Variants in PPP1R14C observed in about 807,000 individuals in gnomAD.
PPP1R14C encodes the protein protein phosphatase 1 regulatory inhibitor subunit 14C.
In PPP1R14C, 16 loss-of-function variants were observed where a neutral mutation model predicts 20.4. The observed-to-expected ratio is 0.78, with a 90% CI of 0.53 to 1.19. The LOEUF (loss-of-function observed/expected upper bound fraction) is 1.19. PPP1R14C is among the 50% of genes most tolerant of loss of function. The probability of loss-of-function intolerance (pLI) is 0.00; values close to 1 mark genes in which losing one functional copy is unlikely to be tolerated. For synonymous variants in PPP1R14C, 91 were observed against 91.0 expected (o/e 1.00, Z 0.00); for missense variants, 211 against 220.1 (o/e 0.96, Z 0.26).
chr6:150,177,070 C>G (rs1777570747), intron 1 of PPP1R14C, among the ~76,000 whole-genome samples: 1 of 152,136 alleles, frequency 6.6e-6, no homozygotes, highest in Admixed American at 6.5e-5. Flanking sequence ...TCAGCCTGGC[C>G]CTGGTTCCTG....
intron 3 of PPP1R14C, among the ~76,000 whole-genome samples, chr6:150,230,153 C>G (rs1025926991): frequency 6.6e-6 from 1 of 152,156 alleles, no homozygotes; most frequent in Non-Finnish European, 1.5e-5. Flanking sequence ...TTATCCTCAC[C>G]TTTTCCAAGA....
intron 1 of PPP1R14C, among the ~76,000 whole-genome samples, chr6:150,206,852 T>G (rs924883188): frequency 2.0e-5 from 3 of 150,478 alleles, no homozygotes; most frequent in South Asian, 2.1e-4. Flanking sequence ...TGATGTTTTT[T>G]TTTGTTTGTT....
intron 1 of PPP1R14C, among the ~76,000 whole-genome samples, chr6:150,203,632 T>C (rs1562268533): frequency 6.6e-6 from 1 of 152,202 alleles, no homozygotes; most frequent in African/African-American, 2.4e-5. Context: ...AATCTAACAC[T>C]GCAGCAACCC....
chr6:150,202,118 C>T (rs1777885196), intron 1 of PPP1R14C, among the ~76,000 whole-genome samples: 1 of 152,138 alleles, frequency 6.6e-6, no homozygotes. Flanking sequence ...TTGCATCAAG[C>T]GTGAGCTCCT....
chr6:150,220,920 T>C (rs746011033), intron 3 of PPP1R14C, among the ~76,000 whole-genome samples: 2 of 152,190 alleles, frequency 1.3e-5, no homozygotes, highest in Non-Finnish European at 2.9e-5. Flanking sequence ...GATGAAAGAA[T>C]GTATTATTTG....
intron 3 of PPP1R14C, among the ~76,000 whole-genome samples, chr6:150,218,872 G>C (rs1407410532): frequency 6.6e-6 from 1 of 152,088 alleles, no homozygotes; most frequent in African/African-American, 2.4e-5. Flanking sequence ...GACTTGTCTT[G>C]AACTCCTGGC....
rs573327107 is a variant in PPP1R14C at position 150,214,738 on chromosome 6, C to T, written c.307-6C>T. ...AATGCCTTCATATCCTCCCACTGCC[C>T]CCCAGGAAGAAGAAATGCCAGAGGT... On this transcript the variant is annotated splice_region_variant and splice_polypyrimidine_tract_variant and intron_variant, in intron 1 of 3. Coordinates refer to ENST00000361131, the MANE Select transcript of PPP1R14C (RefSeq NM_030949.3). 6.2e-6 allele frequency: 10 copies of T among 1,611,498 alleles called. No homozygotes were observed. The Admixed American group carries it at 1.3e-4, about 22-fold the overall frequency.
At chr6:150,152,663 T>C (rs1013997371) in intron 1 of PPP1R14C, among the ~76,000 whole-genome samples, 3 of 152,052 alleles carry the variant, frequency 2.0e-5, no homozygotes, top group African/African-American at 7.2e-5. Flanking sequence ...TCCCAGGAGC[T>C]TCTCTGATCC....
intron 3 of PPP1R14C, among the ~76,000 whole-genome samples, chr6:150,237,688 T>A (rs764650979): frequency 1.1e-4 from 17 of 152,162 alleles, no homozygotes; most frequent in Non-Finnish European, 1.9e-4. Context: ...ATCCTTGAGG[T>A]GAGGTCTTAT....
chr6:150,148,590 A>G (rs1777204712), intron 1 of PPP1R14C, among the ~76,000 whole-genome samples: 1 of 152,192 alleles, frequency 6.6e-6, no homozygotes. Context: ...ACAGTATCAC[A>G]TCAGCCGGCT....
chr6:150,248,391 C>G (rs1475792422), intron 3 of PPP1R14C, among the ~76,000 whole-genome samples: 2 of 152,168 alleles, frequency 1.3e-5, no homozygotes, highest in Non-Finnish European at 2.9e-5. Flanking sequence ...AGACCCCAAC[C>G]TGGACAGGCT....
intron 1 of PPP1R14C, among the ~76,000 whole-genome samples, chr6:150,157,995 C>T (rs978678338): frequency 6.6e-6 from 1 of 152,206 alleles, no homozygotes; most frequent in Non-Finnish European, 1.5e-5. Context: ...TCCCACCTTC[C>T]TGGGCTGGGG....
chr6:150,178,620 C>T (rs1469834834), intron 1 of PPP1R14C, among the ~76,000 whole-genome samples: 1 of 152,142 alleles, frequency 6.6e-6, no homozygotes, highest in African/African-American at 2.4e-5. Flanking sequence ...TTTATTTCTC[C>T]TTTTGTTTTT....
intron 1 of PPP1R14C, among the ~76,000 whole-genome samples, chr6:150,206,440 C>G (rs1777951684): frequency 6.6e-6 from 1 of 152,090 alleles, no homozygotes; most frequent in African/African-American, 2.4e-5. Flanking sequence ...AGGGGTTTGC[C>G]TGGTGTTCTG....
chr6:150,160,646 C>T (rs995188346), intron 1 of PPP1R14C, among the ~76,000 whole-genome samples: 21 of 151,942 alleles, frequency 1.4e-4, no homozygotes, highest in African/African-American at 4.4e-4. Context: ...AATTCTTTTG[C>T]GTGGGAGATT....
chr6:150,231,970 T>C (rs2114924898), intron 3 of PPP1R14C, among the ~76,000 whole-genome samples: 1 of 152,354 alleles, frequency 6.6e-6, no homozygotes, highest in East Asian at 1.9e-4. Flanking sequence ...GTTGCCTTCC[T>C]TGTGTACAAG....
chr6:150,231,260 A>C (rs919415156), intron 3 of PPP1R14C, among the ~76,000 whole-genome samples: 1 of 152,216 alleles, frequency 6.6e-6, no homozygotes, highest in Non-Finnish European at 1.5e-5. Flanking sequence ...GTATAAAGTC[A>C]GTTTTCCAAG....
At chr6:150,214,148 A>G (rs1398796439) in intron 1 of PPP1R14C, among the ~76,000 whole-genome samples, 2 of 152,150 alleles carry the variant, frequency 1.3e-5, no homozygotes, top group Admixed American at 6.5e-5. Context: ...TCTTCTCTTA[A>G]ATCAGTAACT....
chr6:150,224,687 C>T (rs1164700886), intron 3 of PPP1R14C, among the ~76,000 whole-genome samples: 1 of 152,194 alleles, frequency 6.6e-6, no homozygotes, highest in Non-Finnish European at 1.5e-5. Context: ...CTATCGGAGC[C>T]CTTAGCGTAT....
Sources: allele counts gnomAD v4.1 joint callset (sites outside exome capture counted in the v4.1 genomes callset), GRCh38; gene constraint gnomAD v4.1.1; transcripts MANE v1.5; gene names NCBI Gene and HGNC (gene_info 2026-07-23, HGNC 2026-07-21).